WDR36: variants seen among roughly 807,000 people sequenced by gnomAD.
WDR36 encodes the protein WD repeat domain 36.
A neutral mutation model predicts 112.7 loss-of-function variants in WDR36; 63 were observed. That is an observed-to-expected ratio of 0.56 (90% CI 0.46 to 0.69). The LOEUF (loss-of-function observed/expected upper bound fraction) is 0.69. WDR36 is among the 30% of genes least tolerant of loss of function. The pLI, the probability that WDR36 is intolerant of heterozygous loss-of-function variation, is 0.00. For missense variants in WDR36, 1,226 were observed against 1,070.3 expected, an observed-to-expected ratio of 1.15 and a Z score of -2.03; for synonymous variants, 410 against 362.2, an observed-to-expected ratio of 1.13 and a Z score of -1.50.
At chr5:111,093,715 G>A (rs183574189) in intron 1 of WDR36, among the ~76,000 whole-genome samples, 1 of 152,104 alleles carries the variant, frequency 6.6e-6, no homozygotes, top group Non-Finnish European at 1.5e-5. Flanking sequence ...TTGAAATCTT[G>A]TCTTTGGTAC....
At chr5:111,103,583 G>T (rs1753163755) in intron 6 of WDR36, among the ~76,000 whole-genome samples, 1 of 151,700 alleles carries the variant, frequency 6.6e-6, no homozygotes, top group South Asian at 2.1e-4. Flanking sequence ...AAGCTGGGAA[G>T]TAATTTGGAA....
In WDR36 at chr5:111,094,832, G is replaced by A. The variant is rs113233364; in HGVS notation, c.163-88G>A. On this transcript the variant is annotated intron_variant, in intron 1 of 22. Coordinates refer to ENST00000513710, the MANE Select transcript of WDR36 (RefSeq NM_139281.3). ...ATGAAGGACAGCATAGCAAATATACGTATGAGGTTATATCTTAATCTTCAG... is the reference window on the plus strand; with the variant it reads ...ATGAAGGACAGCATAGCAAATATACATATGAGGTTATATCTTAATCTTCAG... The A allele has an allele frequency of 1.2e-3, 1,284 of 1,061,038 alleles. 11 individuals carry two copies. In the African/African-American group the frequency reaches 0.017, roughly 14 times the overall value. 65.7% of individuals were successfully genotyped at this position (1,061,038 alleles called of 1,614,324 possible).
Position 111,111,162 on chromosome 5 carries a change from C to G in WDR36, c.1608-8C>G. On this transcript the variant is annotated splice_region_variant and splice_polypyrimidine_tract_variant and intron_variant, in intron 14 of 22. Coordinates refer to ENST00000513710, the MANE Select transcript of WDR36 (RefSeq NM_139281.3). ...TGTTTATTAAAACTGGTGCATTTATCTTGCTAGTGGCATTCTGGGACTCGC... is the reference window on the plus strand; with the variant it reads ...TGTTTATTAAAACTGGTGCATTTATGTTGCTAGTGGCATTCTGGGACTCGC... 2 of 1,610,600 alleles carry G rather than the reference C, an allele frequency of 1.2e-6. No individual in the cohort carries two copies. Among genetic ancestry groups the G allele is most frequent in the Non-Finnish European group, 1.7e-6 (2 of 1,177,154 alleles).
chr5:111,125,581 T>C (rs768580986), intron 21 of WDR36, 27 bp from the exon 22 acceptor site: 2 of 1,602,236 alleles, frequency 1.2e-6, no homozygotes, highest in East Asian at 4.5e-5. Flanking sequence ...TATAATCAAG[T>C]CATAACTGGA....
At chr5:111,126,160 T>G (rs1363671880) in intron 22 of WDR36, among the ~76,000 whole-genome samples, 2 of 152,142 alleles carry the variant, frequency 1.3e-5, no homozygotes, top group Non-Finnish European at 2.9e-5. Context: ...TGCTGAACCA[T>G]TAACTTTTCT....
At chr5:111,099,260 A>C (rs1005913509) in intron 4 of WDR36, among the ~76,000 whole-genome samples, 4 of 152,078 alleles carry the variant, frequency 2.6e-5, no homozygotes, top group African/African-American at 9.7e-5. Context: ...GATATGAGTC[A>C]GTTTCTTTCA....
In WDR36 at chr5:111,092,467, C is replaced by T. The variant is rs894501156; in HGVS notation, c.11C>T (p.Ala4Val). 1 of 1,614,218 alleles carries T rather than the reference C, an allele frequency of 6.2e-7. No individual in the cohort carries two copies. Among genetic ancestry groups the T allele is most frequent in the Admixed American group, 1.7e-5 (1 of 60,024 alleles). ...GGGATCGCGGCGGCAATGGAACGGGCCTCAGAAAGGCGCACGGCCAGCGCG... is the reference window on the plus strand; with the variant it reads ...GGGATCGCGGCGGCAATGGAACGGGTCTCAGAAAGGCGCACGGCCAGCGCG... MER[A>V]SERRTASALF... The change falls in exon 1 of 23, where the codon GCC becomes GTC. Residue 4 changes from alanine (A) to valine (V), a missense_variant. Ala to Val is a moderately conservative substitution (Grantham distance 64). Coordinates refer to ENST00000513710, the MANE Select transcript of WDR36 (RefSeq NM_139281.3).
Position 111,120,559 on chromosome 5 carries a change from A to G in WDR36, c.1968A>G (p.Ser656=), listed in dbSNP as rs1167402141. Residue 656 remains serine, a synonymous_variant, in exon 18 of 23, where the codon TCA becomes TCG. Transcript: ENST00000513710. The part of the protein sequence containing the change: ...LRPLPADYVP[S]IVMLPGTCQT... ...CACTTCCTGCAGATTATGTCCCTTC[A>G]ATAGTCATGCTTCCTGGTACTTGTC... 1 of 1,612,996 alleles carries G rather than the reference A, an allele frequency of 6.2e-7. No homozygotes were observed. The highest frequency in any genetic ancestry group is 1.3e-5 in the African/African-American group (1 of 74,870).
At chr5:111,099,463 G>GTTTTTTTTTTTTTTTTTT (rs67437234) in intron 4 of WDR36, among the ~76,000 whole-genome samples, 2 of 84,964 alleles carry the variant, frequency 2.4e-5, no homozygotes, top group African/African-American at 4.5e-5. Flanking sequence ...TTTTTTTTTT[G>GTTTTTTTTTTTTTTTTTT]TTTTTTTTTT....
rs1170162992 is a variant in WDR36 at position 111,126,816 on chromosome 5, C to T, written c.2621C>T (p.Thr874Ile). 2.5e-6 allele frequency: 4 copies of T among 1,613,484 alleles called. No individual in the cohort carries two copies. Among genetic ancestry groups the T allele is most frequent in the African/African-American group, 2.7e-5 (2 of 74,872 alleles). The change falls in exon 23 of 23, where the codon ACC becomes ATC. Residue 874 changes from threonine (T) to isoleucine (I), a missense_variant. By Grantham distance (89) the Thr-to-Ile change is moderately conservative. Coordinates refer to ENST00000513710, the MANE Select transcript of WDR36 (RefSeq NM_139281.3). Reference protein sequence around the residue: ...NLSSQVEENWTHLQSLFNQSM... With the variant: ...NLSSQVEENWIHLQSLFNQSM... ...TCATCCCAGGTGGAAGAAAACTGGA[C>T]CCATTTGCAATCACTCTTCAATCAA...
intron 16 of WDR36, among the ~76,000 whole-genome samples, chr5:111,117,722 A>T (rs756796944): frequency 2.0e-5 from 3 of 152,202 alleles, no homozygotes; most frequent in Non-Finnish European, 4.4e-5. Context: ...ACACTAAAAA[A>T]GTGTTAATCT....
At chr5:111,114,035 G>A (rs978274325) in intron 16 of WDR36, among the ~76,000 whole-genome samples, 1 of 152,120 alleles carries the variant, frequency 6.6e-6, no homozygotes, top group African/African-American at 2.4e-5. Context: ...GAAAATGTGT[G>A]TCTTCGGATT....
rs1174205695 is a variant in WDR36, at chr5:111,128,661, TAAGTG to T, written c.*1779_*1783del. The T allele has an allele frequency of 5.5e-6, 1 of 182,076 alleles. No homozygotes were observed. The highest frequency in any genetic ancestry group is 1.2e-5 in the Non-Finnish European group (1 of 85,380). 11.3% of individuals were successfully genotyped at this position (182,076 alleles called of 1,614,324 possible). A position where few individuals can be genotyped will look rare whatever the true frequency, so the allele number is the denominator to read the frequency against. ...TCTTTTTAAAGTGAGCATAAAGACT[TAAGTG>T]TATTGTTACCAGAGATATATTTAGA... On this transcript the variant is annotated 3_prime_UTR_variant, in exon 23 of 23. Transcript: ENST00000513710.
chr5:111,124,265 T>C, intron 21 of WDR36, 76 bp downstream of exon 21: 11 of 1,146,352 alleles, frequency 9.6e-6, no homozygotes, highest in African/African-American at 1.6e-5. Context: ...TTGAAGGAAA[T>C]ATCAGCGTTC....
In WDR36 at chr5:111,128,255, T is replaced by C. The variant is rs1753713765; in HGVS notation, c.*1372T>C. ...GTTAGGGTAAGAGAGTTTTGTAGAA[T>C]GATCTCCAAAAGAAGCAGTCCTCAA... On this transcript the variant is annotated 3_prime_UTR_variant, in exon 23 of 23. Transcript: ENST00000513710. 1 of 189,138 alleles carries C rather than the reference T, an allele frequency of 5.3e-6. No homozygotes were observed. Among genetic ancestry groups the C allele is most frequent in the East Asian group, 8.4e-5 (1 of 11,938 alleles). 11.7% of individuals were successfully genotyped at this position (189,138 alleles called of 1,614,324 possible).
chr5:111,115,583 A>G (rs549521523), intron 16 of WDR36, among the ~76,000 whole-genome samples: 19 of 150,142 alleles, frequency 1.3e-4, no homozygotes, highest in East Asian at 7.8e-4. Flanking sequence ...ATTTGCTTGG[A>G]AAAAAAAAAC....
At chr5:111,111,810 T>C (rs1432105759) in intron 15 of WDR36, among the ~76,000 whole-genome samples, 1 of 152,026 alleles carries the variant, frequency 6.6e-6, no homozygotes, top group Non-Finnish European at 1.5e-5. Context: ...CTAGTTTAAA[T>C]AGCATATTTC....
rs13178997 is a variant in WDR36, at chr5:111,108,550, G to T, written c.1326+1111G>T. ...CGTAAAGATTCTATCTTACGCTCCCGTAGGGACATTTACCTACATAGTTTT... is the reference window on the plus strand; with the variant it reads ...CGTAAAGATTCTATCTTACGCTCCCTTAGGGACATTTACCTACATAGTTTT... On this transcript the variant is annotated intron_variant, in intron 12 of 22. Transcript: ENST00000513710. Among the ~76,000 whole-genome samples the T allele has an allele frequency of 0.53, 79,262 of 150,954 alleles. 21,593 individuals are homozygous for T. The highest frequency in any genetic ancestry group is 0.67 in the South Asian group (3,245 of 4,814).
At chr5:111,123,651 T>C (rs992807749) in intron 19 of WDR36, among the ~76,000 whole-genome samples, 154 bp from the exon 20 acceptor site, 3 of 152,218 alleles carry the variant, frequency 2.0e-5, no homozygotes, top group African/African-American at 7.2e-5. Flanking sequence ...GCTGTGGTAT[T>C]GGTCAGAAGA....
Sources: allele counts gnomAD v4.1 joint callset (sites outside exome capture counted in the v4.1 genomes callset), GRCh38; gene constraint gnomAD v4.1.1; transcripts MANE v1.5; gene names NCBI Gene and HGNC (gene_info 2026-07-23, HGNC 2026-07-21).